Variants in WDR46 observed in about 807,000 individuals in gnomAD.
The protein encoded by WDR46 is WD repeat-containing protein 46.
A neutral mutation model predicts 74.7 loss-of-function variants in WDR46; 58 were observed. The observed-to-expected ratio is 0.78, with a 90% CI of 0.63 to 0.97. The LOEUF is 0.97. Among genes scored for constraint, WDR46 ranks in the 50% least tolerant of loss-of-function variants. The pLI, the probability that WDR46 is intolerant of heterozygous loss-of-function variation, is 0.00. For synonymous variants in WDR46, 278 were observed against 297.3 expected (o/e 0.93, Z 0.67); for missense variants, 702 against 790.1 (o/e 0.89, Z 1.34).
In WDR46 at chr6:33,287,698, C is replaced by G. The variant is rs779110677; in HGVS notation, c.644G>C (p.Arg215Pro). ...ATCAAGGGCAGCCACATGACCTCGG[C>G]GCCCTCCAAAAGCCAGGTGTCTGTT... is the stretch of plus-strand genomic sequence containing the variant. ...RTGRHLAFGG[R>P]RGHVAALDWV... The change falls in exon 7 of 15, where the codon CGC (arginine) becomes CCC (proline). Residue 215 changes from arginine to proline, a missense_variant. Arg to Pro is a moderately radical substitution (Grantham distance 103, BLOSUM62 -2). Transcript: ENST00000374617. 1 of 1,613,896 alleles carries G rather than the reference C, an allele frequency of 6.2e-7. No homozygotes were observed. The highest frequency in any genetic ancestry group is 8.5e-7 in the Non-Finnish European group (1 of 1,179,986).
chr6:33,286,446 CA>C (rs964984694), intron 10 of WDR46, among the ~76,000 whole-genome samples: 6 of 147,658 alleles, frequency 4.1e-5, no homozygotes, highest in Non-Finnish European at 3.0e-5. Context: ...GACTCCATCT[CA>C]AAAAAAAAAG....
chr6:33,281,138 C>A, intron 10 of WDR46, 151 bp from the exon 11 acceptor site: 1 of 739,396 alleles, frequency 1.4e-6, no homozygotes, highest in Non-Finnish European at 2.1e-6. Flanking sequence ...GGCATCCTCT[C>A]AGTTAAGCTG....
rs1766976121 is a variant in WDR46 at position 33,288,856 on chromosome 6, G to A, written c.227C>T (p.Pro76Leu). Residue 76 changes from proline to leucine, a missense_variant, in exon 2 of 15, where the codon CCG (proline) becomes CTG (leucine). Pro to Leu is a moderately conservative substitution (Grantham distance 98, BLOSUM62 -3). Coordinates refer to ENST00000374617, the MANE Select transcript of WDR46 (RefSeq NM_005452.6). The part of the protein sequence containing the change: ...KSRISKKPQV[P>L]KKPREWKNPE... ...GTTCTTCCATTCTCGGGGTTTCTTC[G>A]GGACCTGAGGCTTCTTAGAGATCCG... 1.2e-6 allele frequency: 2 copies of A among 1,614,072 alleles called. No homozygotes were observed. Among genetic ancestry groups the A allele is most frequent in the South Asian group, 1.1e-5 (1 of 91,070 alleles).
Position 33,286,827 on chromosome 6 carries a change from C to T in WDR46, c.1083G>A (p.Gly361=). ...PLAKILCHRG[G]VRAVAVDSTG... ...TAGAATCTACTGCCACAGCCCGGAC[C>T]CCACCACGATGACAGAGAATCTTTG... Residue 361 remains glycine (G), a synonymous_variant, in exon 10 of 15, where the codon GGG becomes GGA. Transcript: ENST00000374617. 1 of 1,614,088 alleles carries T rather than the reference C, an allele frequency of 6.2e-7. No individual in the cohort carries two copies. The highest frequency in any genetic ancestry group is 8.5e-7 in the Non-Finnish European group (1 of 1,180,018).
At chr6:33,282,186 A>G (rs528089118) in intron 10 of WDR46, among the ~76,000 whole-genome samples, 15 of 152,310 alleles carry the variant, frequency 9.8e-5, no homozygotes, top group African/African-American at 3.4e-4. Flanking sequence ...ATGTTTGCCA[A>G]GAGGCCAAGG....
chr6:33,279,172 G>A lies in WDR46; in HGVS notation c.*104C>T. 1 of 1,503,640 alleles carries A rather than the reference G, an allele frequency of 6.7e-7. No individual in the cohort carries two copies. Among genetic ancestry groups the A allele is most frequent in the Non-Finnish European group, 9.0e-7 (1 of 1,106,292 alleles). 93.1% of individuals were successfully genotyped at this position (1,503,640 alleles called of 1,614,324 possible). On this transcript the variant is annotated 3_prime_UTR_variant, in exon 15 of 15. Transcript: ENST00000374617. ...AGGAGACAGCTGTCCACCCCCAGTTGGGGAAGGGGCCACACTGCCCCCACC... is the reference window on the plus strand; with the variant it reads ...AGGAGACAGCTGTCCACCCCCAGTTAGGGAAGGGGCCACACTGCCCCCACC...
intron 10 of WDR46, among the ~76,000 whole-genome samples, chr6:33,285,570 T>A (rs1197074488): frequency 1.3e-5 from 2 of 152,010 alleles, no homozygotes; most frequent in African/African-American, 4.8e-5. Flanking sequence ...GTTGCCCAGG[T>A]TGGAGTGCAA....
chr6:33,280,364 C>T (rs1766046690), intron 12 of WDR46, 64 bp downstream of exon 12: 13 of 1,513,316 alleles, frequency 8.6e-6, no homozygotes, highest in East Asian at 4.9e-5. Context: ...CTCTCCAGGA[C>T]GGGGGAACCT....
chr6:33,287,958 A>G lies in WDR46; in HGVS notation c.623+7T>C, dbSNP rs1366150963. Reference sequence around the variant, plus strand: ...TTAGTTCAAGAGTCACTAGAATTCAACCTTACCTTCCAGTTCGAGAGTAGT... The same window carrying G: ...TTAGTTCAAGAGTCACTAGAATTCAGCCTTACCTTCCAGTTCGAGAGTAGT... On this transcript the variant is annotated splice_region_variant and intron_variant, in intron 6 of 14. Transcript: ENST00000374617. 3 of 1,613,946 alleles carry G rather than the reference A, an allele frequency of 1.9e-6. No individual in the cohort carries two copies. Among genetic ancestry groups the G allele is most frequent in the African/African-American group, 2.7e-5 (2 of 74,892 alleles).
chr6:33,282,439 T>C (rs1272933605), intron 10 of WDR46, among the ~76,000 whole-genome samples: 1 of 152,086 alleles, frequency 6.6e-6, no homozygotes, highest in East Asian at 1.9e-4. Context: ...TGCTGGCTCT[T>C]CTCCCCTCCA....
rs769934309 is a variant in WDR46, at chr6:33,288,735, T to C, written c.280-41A>G. On this transcript the variant is annotated intron_variant, in intron 2 of 14. Transcript: ENST00000374617. ...ACGCAATTAGCAGACAGCCTTGGATTGACCCCAACCCTCTCACTCTCAAGG... is the reference window on the plus strand; with the variant it reads ...ACGCAATTAGCAGACAGCCTTGGATCGACCCCAACCCTCTCACTCTCAAGG... 2.5e-6 allele frequency: 4 copies of C among 1,613,096 alleles called. No homozygotes were observed. The East Asian group carries it at 8.9e-5, about 36-fold the overall frequency.
Position 33,279,353 on chromosome 6 carries a change from G to A in WDR46, c.1756C>T (p.Gln586Ter). The part of the protein sequence containing the change: ...EHRDKVRQSL[Q>*]QQHHKEAKAK... ...TTCGCCTCCTTATGATGCTGCTGCT[G>A]AAGGCTCTGCCGGACCTTGTCCTGG... Residue 586 changes from glutamine (Q) to a stop codon, truncating the protein, a stop_gained, in exon 15 of 15, where the codon CAG becomes TAG. Coordinates refer to ENST00000374617, the MANE Select transcript of WDR46 (RefSeq NM_005452.6). LOFTEE classifies it high-confidence loss of function. The A allele has an allele frequency of 6.2e-7, 1 of 1,614,134 alleles. No homozygotes were observed. Among genetic ancestry groups the A allele is most frequent in the African/African-American group, 1.3e-5 (1 of 75,076 alleles).
At position 33,287,436 on chromosome 6, in the gene WDR46, G is replaced by T. The variant is rs377715221; in HGVS notation, c.798C>A (p.Gly266=). 477 of 1,612,588 alleles carry T rather than the reference G, an allele frequency of 3.0e-4. 2 individuals are homozygous for T. In the South Asian group the frequency reaches 4.9e-3, roughly 16 times the overall value. The change falls in exon 8 of 15, where the codon GGC becomes GGA. Residue 266 remains glycine (G), a synonymous_variant. Coordinates refer to ENST00000374617, the MANE Select transcript of WDR46 (RefSeq NM_005452.6). ...AGCGGCGGATACAGTGGAGCTCAATGCCCTGATTGTCATAGATGTGGAGCC... is the reference window on the plus strand; with the variant it reads ...AGCGGCGGATACAGTGGAGCTCAATTCCCTGATTGTCATAGATGTGGAGCC... ...NRWLHIYDNQ[G]IELHCIRRCD...
At position 33,287,401 on chromosome 6, in the gene WDR46, A is replaced by ACTCGG. The variant is rs1381106762; in HGVS notation, c.828_832dup (p.Val278AlafsTer3). ...GAAGGGCAGGAACTCAAGCCGTGTT[A>ACTCGG]CTCGGTCACAGCGGCGGATACAGTG... On this transcript the variant is annotated frameshift_variant, in exon 8 of 15. Coordinates refer to ENST00000374617, the MANE Select transcript of WDR46 (RefSeq NM_005452.6). LOFTEE classifies it high-confidence loss of function. The ACTCGG allele has an allele frequency of 2.5e-6, 4 of 1,611,644 alleles. No homozygotes were observed. In the African/African-American group the frequency reaches 5.4e-5, roughly 22 times the overall value.
rs759506799 is a variant in WDR46 at position 33,286,912 on chromosome 6, C to T, written c.1016-18G>A. ...CACAGTACCTGGAAGAGAAGAAGAA[C>T]CAAAGTTGCTAATACACACCTAAGC... On this transcript the variant is annotated intron_variant, in intron 9 of 14. Transcript: ENST00000374617. The T allele has an allele frequency of 1.2e-6, 2 of 1,613,424 alleles. No homozygotes were observed. Among genetic ancestry groups the T allele is most frequent in the African/African-American group, 1.3e-5 (1 of 74,948 alleles).
intron 10 of WDR46, among the ~76,000 whole-genome samples, chr6:33,281,982 C>T (rs541778546): frequency 3.3e-5 from 5 of 152,094 alleles, no homozygotes; most frequent in Non-Finnish European, 5.9e-5. Flanking sequence ...TACAGGCATG[C>T]GCCACCACCG....
chr6:33,287,664 T>C lies in WDR46; in HGVS notation c.678A>G (p.Thr226=), dbSNP rs752335470. Residue 226 remains threonine (T), a synonymous_variant, in exon 7 of 15, where the codon ACA becomes ACG. Coordinates refer to ENST00000374617, the MANE Select transcript of WDR46 (RefSeq NM_005452.6). ...RGHVAALDWV[T]KKLMCEINVM... is the part of the protein sequence containing the mutation. ...CGTTGATCTCGCACATAAGCTTCTT[T>C]GTTACCCAATCAAGGGCAGCCACAT... is the stretch of plus-strand genomic sequence containing the variant. The C allele has an allele frequency of 9.3e-6, 15 of 1,613,852 alleles. No individual in the cohort carries two copies. Among genetic ancestry groups the C allele is most frequent in the Non-Finnish European group, 1.1e-5 (13 of 1,180,000 alleles).
In WDR46 at chr6:33,287,523, T is replaced by C. The variant is rs1465029457; in HGVS notation, c.729-18A>G. ...GGAGAAACCTGGGGGAGAGGAAGAG[T>C]GGTTCAATTGGGAAATGAGGTCACA... On this transcript the variant is annotated intron_variant, in intron 7 of 14. Transcript: ENST00000374617. 9 of 1,611,700 alleles carry C rather than the reference T, an allele frequency of 5.6e-6. No individual in the cohort carries two copies. The highest frequency in any genetic ancestry group is 7.6e-6 in the Non-Finnish European group (9 of 1,179,480).
At chr6:33,279,708 G>A (rs1765956815) in intron 13 of WDR46, 56 bp downstream of exon 13, 1 of 1,612,132 alleles carries the variant, frequency 6.2e-7, no homozygotes. Flanking sequence ...AAGCCATGGT[G>A]GGGAGAGGAT....
Sources: allele counts gnomAD v4.1 joint callset (sites outside exome capture counted in the v4.1 genomes callset), GRCh38; gene constraint gnomAD v4.1.1; transcripts MANE v1.5; gene names NCBI Gene and HGNC (gene_info 2026-07-23, HGNC 2026-07-21).